Variants in FAH observed in about 807,000 individuals in gnomAD.
FAH encodes the protein fumarylacetoacetase.
FAH carries 47 observed loss-of-function variants against 55.8 expected under a neutral mutation model. The observed-to-expected ratio is 0.84, with a 90% confidence interval of 0.67 to 1.07. The LOEUF (loss-of-function observed/expected upper bound fraction) is 1.07, where lower values mean the gene tolerates loss of function less well. Among genes scored for constraint, FAH ranks in the 50% least tolerant of loss-of-function variants. FAH has a pLI of 0.00. For synonymous variants in FAH, 199 were observed against 207.7 expected (o/e 0.96, Z 0.36); for missense variants, 495 against 545.9 (o/e 0.91, Z 0.93).
intron 9 of FAH, 121 bp downstream of exon 9, chr15:80,173,265 A>C (rs1445852508): frequency 4.5e-6 from 6 of 1,339,738 alleles, no homozygotes; most frequent in Non-Finnish European, 6.4e-6. Flanking sequence ...TGCCCACGGC[A>C]TGCCCACAGC....
intron 1 of FAH, 118 bp from the exon 2 acceptor site, chr15:80,157,942 C>T: frequency 1.3e-6 from 1 of 771,356 alleles, no homozygotes; most frequent in Non-Finnish European, 2.4e-6. Flanking sequence ...GTCCGCTCTG[C>T]ATACAGGGCC....
intron 4 of FAH, among the ~76,000 whole-genome samples, chr15:80,161,356 C>G (rs186076244): frequency 6.6e-6 from 1 of 151,042 alleles, no homozygotes; most frequent in Non-Finnish European, 1.5e-5. Context: ...AGATGGGAAG[C>G]AGCAGCTAAG....
intron 5 of FAH, chr15:80,163,326 G>C (rs561381926): frequency 6.6e-6 from 1 of 152,418 alleles, no homozygotes; most frequent in African/African-American, 2.4e-5. Context: ...TTTGTCCCCA[G>C]CCAGCTTCAA....
rs374617446 is a variant in FAH at position 80,159,899 on chromosome 15, G to C, written c.314+22G>C. The C allele has an allele frequency of 7.4e-5, 120 of 1,613,024 alleles. No individual in the cohort carries two copies. In the Admixed American group the frequency reaches 8.7e-4, roughly 12 times the overall value. On this transcript the variant is annotated intron_variant, in intron 3 of 13. Transcript: ENST00000561421. ...AGTGGTGAGAAGCACGTGGTCATAG[G>C]GGGGATGAGGGGATGCAGCAGGGGA...
At chr15:80,166,669 C>T (rs1264460456) in intron 5 of FAH, among the ~76,000 whole-genome samples, 6 of 126,986 alleles carry the variant, frequency 4.7e-5, no homozygotes, top group Non-Finnish European at 7.8e-5. Flanking sequence ...CAGAGTCTTG[C>T]TCTGTCGCCA....
At position 80,159,838 on chromosome 15, in the gene FAH, G is replaced by A. The variant is rs2041132994; in HGVS notation, c.275G>A (p.Ser92Asn). The change falls in exon 3 of 14, where the codon AGC becomes AAC. Residue 92 changes from serine (S) to asparagine (N), a missense_variant. By Grantham distance (46) the Ser-to-Asn change is conservative. Coordinates refer to ENST00000561421, the MANE Select transcript of FAH (RefSeq NM_000137.4). ...RVFLQNLLSV[S>N]QARLRDDTEL... is the part of the protein sequence containing the mutation. Reference sequence around the variant, plus strand: ...TTCTTGCAGAACTTGCTGTCTGTGAGCCAAGCCAGGCTCAGAGATGACACC... The same window carrying A: ...TTCTTGCAGAACTTGCTGTCTGTGAACCAAGCCAGGCTCAGAGATGACACC... 5.6e-6 allele frequency: 9 copies of A among 1,614,254 alleles called. No individual in the cohort carries two copies. Among genetic ancestry groups the A allele is most frequent in the Non-Finnish European group, 7.6e-6 (9 of 1,180,042 alleles).
chr15:80,156,209 G>A (rs998242344), intron 1 of FAH: 3 of 210,292 alleles, frequency 1.4e-5, no homozygotes, highest in Non-Finnish European at 2.9e-5. Flanking sequence ...GTGTGACAGG[G>A]CTCACCTCTT....
At chr15:80,152,971 G>A, upstream of FAH, 1 of 1,238,618 alleles carries the variant, frequency 8.1e-7, no homozygotes, top group Non-Finnish European at 1.2e-6. Context: ...GGGGGGCGGG[G>A]CCGGGCCTGA....
At chr15:80,175,455 T>A (rs1247513029) in intron 10 of FAH, among the ~76,000 whole-genome samples, 1 of 152,146 alleles carries the variant, frequency 6.6e-6, no homozygotes, top group African/African-American at 2.4e-5. Context: ...GCACATTTCA[T>A]TGAGTGCCTG....
At chr15:80,165,253 G>C (rs1415283092) in intron 5 of FAH, among the ~76,000 whole-genome samples, 2 of 151,942 alleles carry the variant, frequency 1.3e-5, no homozygotes, top group Non-Finnish European at 2.9e-5. Flanking sequence ...TAGCAGCCAG[G>C]CGTGGTGGCT....
In FAH at chr15:80,176,239, C is replaced by G. The variant is rs138479811; in HGVS notation, c.913+1148C>G. 1.7e-3 allele frequency among the ~76,000 whole-genome samples: 261 copies of G among 152,258 alleles called. 1 individual carries two copies. The highest frequency in any genetic ancestry group is 6.1e-3 in the African/African-American group (252 of 41,564). Reference sequence around the variant, plus strand: ...TCATGTTGGTCAGGATGGTCTTGAACTCCTAACCTTAGGTGGTCTACCCAC... The same window carrying G: ...TCATGTTGGTCAGGATGGTCTTGAAGTCCTAACCTTAGGTGGTCTACCCAC... On this transcript the variant is annotated intron_variant, in intron 10 of 13. Transcript: ENST00000561421.
chr15:80,182,178 G>A (rs919610203), intron 13 of FAH, among the ~76,000 whole-genome samples: 1 of 152,038 alleles, frequency 6.6e-6, no homozygotes, highest in Non-Finnish European at 1.5e-5. Flanking sequence ...TTGTCGCCTC[G>A]TCTTCTGTCT....
At chr15:80,159,057 G>A (rs2041124543) in intron 2 of FAH, among the ~76,000 whole-genome samples, 1 of 151,978 alleles carries the variant, frequency 6.6e-6, no homozygotes. Context: ...GGCCAACATG[G>A]TGAAACCCCC....
intron 4 of FAH, among the ~76,000 whole-genome samples, chr15:80,160,941 G>A (rs1466451994): frequency 2.0e-5 from 3 of 152,218 alleles, no homozygotes; most frequent in Non-Finnish European, 4.4e-5. Context: ...CCAAAGCACA[G>A]CCCTCTTCCT....
chr15:80,181,746 AT>A (rs2041332894), intron 13 of FAH, among the ~76,000 whole-genome samples: 3 of 151,982 alleles, frequency 2.0e-5, no homozygotes, highest in Admixed American at 6.6e-5. Flanking sequence ...CTCATCTTTA[AT>A]TATTTTTTTT....
At chr15:80,185,782 G>A (rs2041365773) in intron 13 of FAH, among the ~76,000 whole-genome samples, 1 of 152,192 alleles carries the variant, frequency 6.6e-6, no homozygotes, top group Admixed American at 6.5e-5. Context: ...ATCTCCCACT[G>A]TGTACCTCCC....
chr15:80,162,520 C>T, intron 5 of FAH, 184 bp downstream of exon 5: 1 of 667,250 alleles, frequency 1.5e-6, no homozygotes, highest in South Asian at 1.6e-5. Flanking sequence ...TGGCTTAGGA[C>T]TTGCTGTGGG....
At position 80,178,877 on chromosome 15, in the gene FAH, T is replaced by C. The variant is rs140637530; in HGVS notation, c.961-1247T>C. Among the ~76,000 whole-genome samples the C allele has an allele frequency of 1.5e-4, 23 of 152,330 alleles. No individual in the cohort carries two copies. The East Asian group carries it at 3.9e-3, about 26-fold the overall frequency. The stretch of plus-strand genomic sequence containing the variant: ...TGCTGGGATTACAGGCATGAGCCAC[T>C]GCGCCCGGCCAACTGACTTATTTTG... On this transcript the variant is annotated intron_variant, in intron 11 of 13. Transcript: ENST00000561421.
chr15:80,176,575 CA>C (rs1447227203), intron 10 of FAH, among the ~76,000 whole-genome samples: 1 of 152,202 alleles, frequency 6.6e-6, no homozygotes, highest in Admixed American at 6.5e-5. Flanking sequence ...AGCTGAGGCT[CA>C]GAGAGGAAAA....
Sources: gnomAD v4.1 joint callset for allele counts (sites outside exome capture counted in the v4.1 genomes callset) on GRCh38, gnomAD v4.1.1 for gene constraint, MANE v1.5 for transcripts, NCBI Gene and HGNC (gene_info 2026-07-23, HGNC 2026-07-21) for gene names.